CTIF: variants seen among roughly 807,000 people sequenced by gnomAD.
The protein encoded by CTIF is CBP80/20-dependent translation initiation factor.
CTIF carries 21 observed loss-of-function variants against 66.0 expected under a neutral mutation model. The observed-to-expected ratio is 0.32, with a 90% confidence interval of 0.23 to 0.46. CTIF has a LOEUF of 0.46. Ranked by LOEUF, CTIF falls within the 20% of genes least tolerant of loss-of-function variation. CTIF has a pLI of 1.00. For missense variants in CTIF, 739 were observed against 812.7 expected, an observed-to-expected ratio of 0.91 and a Z score of 1.10; for synonymous variants, 345 against 326.4, an observed-to-expected ratio of 1.06 and a Z score of -0.62.
intron 6 of CTIF, among the ~76,000 whole-genome samples, chr18:48,680,833 C>T (rs1458998070): frequency 1.3e-5 from 2 of 152,202 alleles, no homozygotes; most frequent in Non-Finnish European, 2.9e-5. Context: ...TCCATTATTC[C>T]TTTATTAGCC....
Position 48,862,537 on chromosome 18 carries a change from C to A in CTIF, c.*2978C>A, listed in dbSNP as rs931692442. 6.5e-6 allele frequency: 1 copy of A among 152,732 alleles called. No individual in the cohort carries two copies. The highest frequency in any genetic ancestry group is 1.9e-4 in the East Asian group (1 of 5,204). 9.5% of individuals were successfully genotyped at this position (152,732 alleles called of 1,614,324 possible). On this transcript the variant is annotated 3_prime_UTR_variant, in exon 12 of 12. Transcript: ENST00000256413. ...CCCGCCACCCTCCACGGGATGTGCA[C>A]CCTCAGACCCCATTCTCTCTGTTCG...
chr18:48,702,536 C>T (rs2092097594), intron 6 of CTIF, among the ~76,000 whole-genome samples: 1 of 152,208 alleles, frequency 6.6e-6, no homozygotes, highest in African/African-American at 2.4e-5. Flanking sequence ...GTTTTAGGTT[C>T]ACGCCACAGG....
chr18:48,553,594 T>C (rs1390272979), intron 1 of CTIF, among the ~76,000 whole-genome samples: 1 of 152,304 alleles, frequency 6.6e-6, no homozygotes, highest in African/African-American at 2.4e-5. Flanking sequence ...GTTTACTTAA[T>C]GTATCTGTCG....
At chr18:48,821,504 ACT>A (rs1470818372) in intron 10 of CTIF, among the ~76,000 whole-genome samples, 2 of 152,116 alleles carry the variant, frequency 1.3e-5, no homozygotes, top group Non-Finnish European at 2.9e-5. Context: ...AGCAGGGGCT[ACT>A]CTGTTTGTTT....
intron 6 of CTIF, among the ~76,000 whole-genome samples, chr18:48,680,785 T>C (rs757546236): frequency 4.6e-5 from 7 of 152,232 alleles, no homozygotes; most frequent in Non-Finnish European, 7.4e-5. Flanking sequence ...CCGCCGGGGC[T>C]TGGGGGAAGA....
intron 7 of CTIF, among the ~76,000 whole-genome samples, chr18:48,749,448 A>C (rs868004720): frequency 6.6e-6 from 1 of 152,170 alleles, no homozygotes; most frequent in East Asian, 1.9e-4. Flanking sequence ...CAAAATCAGA[A>C]CAGAAGCCAG....
At chr18:48,647,584 TAAAA>T (rs1034165203) in intron 3 of CTIF, among the ~76,000 whole-genome samples, 2 of 152,180 alleles carry the variant, frequency 1.3e-5, no homozygotes, top group African/African-American at 4.8e-5. Flanking sequence ...CACCTAAAAA[TAAAA>T]AGTGTAATTT....
intron 8 of CTIF, among the ~76,000 whole-genome samples, chr18:48,759,555 G>A (rs1267897341): frequency 6.6e-6 from 1 of 152,216 alleles, no homozygotes; most frequent in African/African-American, 2.4e-5. Flanking sequence ...TTAGAGCGCA[G>A]CTGAGCAGGC....
At chr18:48,858,045 C>T (rs2069370677) in intron 11 of CTIF, among the ~76,000 whole-genome samples, 1 of 152,274 alleles carries the variant, frequency 6.6e-6, no homozygotes, top group Admixed American at 6.5e-5. Context: ...AAGCACACCT[C>T]TTGGGAGGTG....
At chr18:48,743,968 TG>T (rs956765436) in intron 7 of CTIF, among the ~76,000 whole-genome samples, 1 of 152,210 alleles carries the variant, frequency 6.6e-6, no homozygotes, top group Non-Finnish European at 1.5e-5. Context: ...CTAAGTCTCC[TG>T]GTAAGTGCCT....
intron 11 of CTIF, among the ~76,000 whole-genome samples, chr18:48,857,954 G>T (rs1040661825): frequency 6.6e-5 from 10 of 152,384 alleles, no homozygotes; most frequent in African/African-American, 2.4e-4. Flanking sequence ...GACTTAAGAA[G>T]TTCCTGATTA....
At chr18:48,616,296 T>C (rs1598744455) in intron 1 of CTIF, among the ~76,000 whole-genome samples, 1 of 152,246 alleles carries the variant, frequency 6.6e-6, no homozygotes, top group African/African-American at 2.4e-5. Flanking sequence ...GGCGGTTTTA[T>C]TCCCATCCAG....
intron 6 of CTIF, among the ~76,000 whole-genome samples, chr18:48,708,051 C>A (rs535289758): frequency 8.5e-5 from 13 of 152,334 alleles, no homozygotes; most frequent in Middle Eastern, 3.4e-3. Flanking sequence ...CTCAGAACTT[C>A]CTTCCTCTTT....
chr18:48,716,800 G>A (rs1270503427), intron 7 of CTIF, among the ~76,000 whole-genome samples: 4 of 152,208 alleles, frequency 2.6e-5, no homozygotes, highest in East Asian at 1.9e-4. Context: ...GTGCCTGTGC[G>A]GCCAGGGAGA....
intron 9 of CTIF, among the ~76,000 whole-genome samples, chr18:48,775,638 G>C (rs55855337): frequency 6.6e-6 from 1 of 152,254 alleles, no homozygotes; most frequent in Non-Finnish European, 1.5e-5. Context: ...ACACATAAAG[G>C]GGGGCAGGGC....
Position 48,772,134 on chromosome 18 carries a change from C to T in CTIF, c.1371+10445C>T, listed in dbSNP as rs532162426. On this transcript the variant is annotated intron_variant, in intron 9 of 11. Coordinates refer to ENST00000256413, the MANE Select transcript of CTIF (RefSeq NM_014772.3). ...CGTTATCTGAGGTCCTCCTCTGGAA[C>T]CAGCCTGTGCATGGCGCCAAGGTGT... is the stretch of plus-strand genomic sequence containing the variant. 2.1e-3 allele frequency among the ~76,000 whole-genome samples: 319 copies of T among 152,298 alleles called. 2 individuals carry two copies. Among genetic ancestry groups the T allele is most frequent in the African/African-American group, 7.1e-3 (295 of 41,562 alleles).
At chr18:48,681,041 G>A (rs942050882) in intron 6 of CTIF, among the ~76,000 whole-genome samples, 5 of 152,208 alleles carry the variant, frequency 3.3e-5, no homozygotes, top group Admixed American at 2.6e-4. Context: ...GCCGGCAGGC[G>A]GCCCCCCCAG....
At chr18:48,846,562 A>G (rs2069080751) in intron 10 of CTIF, among the ~76,000 whole-genome samples, 2 of 138,878 alleles carry the variant, frequency 1.4e-5, no homozygotes, top group South Asian at 4.8e-4. Context: ...CAGATGAATG[A>G]AAGGATGGAT....
rs551004572 is a variant in CTIF at position 48,698,801 on chromosome 18, T to G, written c.508-12818T>G. On this transcript the variant is annotated intron_variant, in intron 6 of 11. Transcript: ENST00000256413. ...TGGTTTGGTTTTGAGCACACTTGTT[T>G]CTGTTTGAATGACCTTGGTGTTTTT... Among the ~76,000 whole-genome samples, 184 of 152,304 alleles carry G rather than the reference T, an allele frequency of 1.2e-3. 2 individuals are homozygous for G. The highest frequency in any genetic ancestry group is 2.2e-3 in the Non-Finnish European group (151 of 68,018).
Sources: allele counts gnomAD v4.1 joint callset (sites outside exome capture counted in the v4.1 genomes callset), GRCh38; gene constraint gnomAD v4.1.1; transcripts MANE v1.5; gene names NCBI Gene and HGNC (gene_info 2026-07-23, HGNC 2026-07-21).